EPHA5: variants seen among roughly 807,000 people sequenced by gnomAD.
EPHA5 encodes the protein ephrin type-A receptor 5.
EPHA5 carries 60 observed loss-of-function variants against 105.0 expected under a neutral mutation model. The observed-to-expected ratio is 0.57, with a 90% CI of 0.46 to 0.71. The LOEUF (loss-of-function observed/expected upper bound fraction) is 0.71. EPHA5 is among the 30% of genes least tolerant of loss of function. The pLI, the probability that EPHA5 is intolerant of heterozygous loss-of-function variation, is 0.00. For synonymous variants in EPHA5, 513 were observed against 449.1 expected (o/e 1.14, Z -1.80); for missense variants, 1,218 against 1,274.7 (o/e 0.96, Z 0.68).
chr4:65,494,456 A>G (rs908138104), intron 4 of EPHA5, among the ~76,000 whole-genome samples: 2 of 152,126 alleles, frequency 1.3e-5, no homozygotes, highest in Non-Finnish European at 2.9e-5. Context: ...GGAGAGAGGG[A>G]TTCACTTCCC....
intron 15 of EPHA5, among the ~76,000 whole-genome samples, chr4:65,333,025 A>AACTAAATCAAT (rs1353079206): frequency 6.6e-6 from 1 of 151,892 alleles, no homozygotes; most frequent in Non-Finnish European, 1.5e-5. Flanking sequence ...TAATAGAATC[A>AACTAAATCAAT]ACTAAATCAA....
chr4:65,500,746 A>C (rs1301402420), intron 3 of EPHA5, among the ~76,000 whole-genome samples: 2 of 150,508 alleles, frequency 1.3e-5, no homozygotes, highest in Non-Finnish European at 3.0e-5. Flanking sequence ...TAATATATAT[A>C]ATAATTACTG....
At chr4:65,648,216 C>T (rs1165662552) in intron 1 of EPHA5, among the ~76,000 whole-genome samples, 3 of 152,158 alleles carry the variant, frequency 2.0e-5, no homozygotes, top group Admixed American at 2.0e-4. Flanking sequence ...TAAAGTTTAG[C>T]TTAGGTTAAT....
chr4:65,350,375 A>C (rs900458148), intron 13 of EPHA5, among the ~76,000 whole-genome samples: 57 of 152,082 alleles, frequency 3.7e-4, no homozygotes, highest in African/African-American at 1.4e-3. Flanking sequence ...GTTTTAAAAA[A>C]AAAACCCTTA....
chr4:65,327,455 T>A (rs566600072), intron 16 of EPHA5, among the ~76,000 whole-genome samples: 1 of 151,342 alleles, frequency 6.6e-6, no homozygotes, highest in African/African-American at 2.4e-5. Context: ...AGAAATGGAA[T>A]TACAGAAACA....
intron 14 of EPHA5, among the ~76,000 whole-genome samples, chr4:65,340,635 A>G (rs1721623113): frequency 6.6e-6 from 1 of 152,168 alleles, no homozygotes; most frequent in South Asian, 2.1e-4. Flanking sequence ...GATCAACTAT[A>G]GCTACAGGCT....
At chr4:65,594,281 T>C (rs1742961294) in intron 3 of EPHA5, among the ~76,000 whole-genome samples, 1 of 152,174 alleles carries the variant, frequency 6.6e-6, no homozygotes, top group African/African-American at 2.4e-5. Context: ...TAAATGTTTA[T>C]TATTAAGAGG....
At chr4:65,370,917 T>C (rs1718400899) in intron 8 of EPHA5, among the ~76,000 whole-genome samples, 1 of 152,092 alleles carries the variant, frequency 6.6e-6, no homozygotes, top group Non-Finnish European at 1.5e-5. Flanking sequence ...TAGCAGAGAC[T>C]GGTACTCAGG....
intron 2 of EPHA5, among the ~76,000 whole-genome samples, chr4:65,624,049 A>T (rs905764699): frequency 5.9e-5 from 9 of 152,280 alleles, no homozygotes; most frequent in Admixed American, 3.9e-4. Context: ...TGGACAAAAA[A>T]CTAATATAAA....
intron 5 of EPHA5, among the ~76,000 whole-genome samples, chr4:65,454,425 C>T (rs1170166346): frequency 6.6e-6 from 1 of 152,044 alleles, no homozygotes; most frequent in Non-Finnish European, 1.5e-5. Context: ...GAGTCAGATG[C>T]CTACTAGACA....
intron 1 of EPHA5, 139 bp downstream of exon 1, chr4:65,669,423 G>A: frequency 8.0e-7 from 1 of 1,243,200 alleles, no homozygotes; most frequent in South Asian, 3.7e-5. Context: ...CCAGTGGAAG[G>A]GGACGACAAA....
chr4:65,507,157 G>A (rs1733118744), intron 3 of EPHA5, among the ~76,000 whole-genome samples: 1 of 152,114 alleles, frequency 6.6e-6, no homozygotes, highest in Non-Finnish European at 1.5e-5. Context: ...TGTCAGGTTT[G>A]TCAAAGGTCA....
rs376967217 is a variant in EPHA5, at chr4:65,363,763, G to A, written c.2173+1254C>T. Among the ~76,000 whole-genome samples, 127 of 151,272 alleles carry A rather than the reference G, an allele frequency of 8.4e-4. 2 individuals carry two copies. Among genetic ancestry groups the A allele is most frequent in the African/African-American group, 2.9e-3 (121 of 41,360 alleles). ...TTGTTGTTATCATTCTTGCTTCTAC[G>A]GTATCTATCGACACTTGCTATCACA... is the stretch of plus-strand genomic sequence containing the variant. On this transcript the variant is annotated intron_variant, in intron 11 of 16. Transcript: ENST00000613740.
chr4:65,633,368 GA>G (rs75839110), intron 2 of EPHA5, among the ~76,000 whole-genome samples: 31,904 of 150,194 alleles, frequency 0.21, 3,703 homozygotes, highest in Non-Finnish European at 0.25. Context: ...AGGATGATAG[GA>G]AAAAAAAGAT....
chr4:65,507,296 A>G (rs1361628987), intron 3 of EPHA5, among the ~76,000 whole-genome samples: 2 of 152,146 alleles, frequency 1.3e-5, no homozygotes, highest in Non-Finnish European at 2.9e-5. Flanking sequence ...GAAGTCAGGT[A>G]GTGTGATGCC....
chr4:65,409,346 A>AAAAAATAAATAAAT (rs1553910972), intron 7 of EPHA5, among the ~76,000 whole-genome samples: 2 of 134,212 alleles, frequency 1.5e-5, no homozygotes, highest in African/African-American at 5.4e-5. Flanking sequence ...ATAATAATAA[A>AAAAAATAAATAAAT]AAATAAATAA....
At chr4:65,417,158 C>T (rs928599024) in intron 6 of EPHA5, among the ~76,000 whole-genome samples, 1 of 152,186 alleles carries the variant, frequency 6.6e-6, no homozygotes, top group Non-Finnish European at 1.5e-5. Context: ...GCAATGAGCC[C>T]ATCATCACAC....
intron 3 of EPHA5, among the ~76,000 whole-genome samples, chr4:65,558,643 T>C (rs1023592792): frequency 8.5e-5 from 13 of 152,118 alleles, no homozygotes; most frequent in South Asian, 4.1e-4. Context: ...GCTGCACCCA[T>C]TAACTCGTCA....
chr4:65,496,338 C>T (rs868744718), intron 3 of EPHA5, among the ~76,000 whole-genome samples: 20 of 149,986 alleles, frequency 1.3e-4, no homozygotes, highest in Middle Eastern at 3.4e-3. Flanking sequence ...ACTAACTCGT[C>T]ATCTAGCATT....
Sources: allele counts gnomAD v4.1 joint callset (sites outside exome capture counted in the v4.1 genomes callset), GRCh38; gene constraint gnomAD v4.1.1; transcripts MANE v1.5; gene names NCBI Gene and HGNC (gene_info 2026-07-23, HGNC 2026-07-21).